The following RIPPLY3 variants were observed in gnomAD, a reference collection of about 807,000 sequenced individuals.
RIPPLY3 encodes protein ripply3.
RIPPLY3 carries 8 observed loss-of-function variants against 11.9 expected under a neutral mutation model. The ratio of observed to expected loss-of-function variants is 0.67; its 90% confidence interval spans 0.40 to 1.21. The LOEUF is 1.21. RIPPLY3 is among the 50% of genes most tolerant of loss of function. The pLI is 0.01. For missense variants in RIPPLY3, 271 were observed against 246.0 expected (o/e 1.10, Z -0.68); for synonymous variants, 102 against 99.0 (o/e 1.03, Z -0.18).
chr21:37,006,604 G>C, upstream of RIPPLY3: 1 of 378,862 alleles, frequency 2.6e-6, no homozygotes, highest in East Asian at 4.0e-5. This position sits in a 1 kb window ranked among gnomAD's most constrained non-coding sequence, Gnocchi z 5.2. Flanking sequence ...GGCCCCCTCC[G>C]CACCCCTCAC....
intron 1 of RIPPLY3, among the ~76,000 whole-genome samples, chr21:37,007,391 A>AGATTCCC (rs1411230011): frequency 6.3e-5 from 9 of 143,364 alleles, no homozygotes; most frequent in African/African-American, 2.5e-4. Flanking sequence ...GGCAGGAGAA[A>AGATTCCC]GATTCCCTCT....
intron 2 of RIPPLY3, among the ~76,000 whole-genome samples, chr21:37,010,504 TA>T (rs1158667376): frequency 1.3e-5 from 2 of 151,676 alleles, no homozygotes; most frequent in Non-Finnish European, 2.9e-5. Context: ...AAAACAAAAA[TA>T]AAACCCAAAA....
At chr21:37,008,753 T>C (rs1344017970) in intron 2 of RIPPLY3, among the ~76,000 whole-genome samples, 2 of 69,680 alleles carry the variant, frequency 2.9e-5, no homozygotes, top group Non-Finnish European at 5.2e-5. Flanking sequence ...GCAAGACTCA[T>C]CTCAAAAAAA....
Position 37,017,928 on chromosome 21 carries a change from A to C in RIPPLY3, c.294A>C (p.Gln98His), listed in dbSNP as rs765078944. 1.9e-6 allele frequency: 3 copies of C among 1,614,158 alleles called. No individual in the cohort carries two copies. Among genetic ancestry groups the C allele is most frequent in the Non-Finnish European group, 2.5e-6 (3 of 1,180,036 alleles). Reference sequence around the variant, plus strand: ...AATACCTGCGGAGTTCCGGGGAGCAAGTACTGGCCAGTTTCCCAGTGCAAG... The same window carrying C: ...AATACCTGCGGAGTTCCGGGGAGCACGTACTGGCCAGTTTCCCAGTGCAAG... ...RQEYLRSSGE[Q>H]VLASFPVQAT... The change falls in exon 4 of 4, where the codon CAA (glutamine) becomes CAC (histidine). Residue 98 changes from glutamine (Q) to histidine (H), a missense_variant. Physicochemically the swap from Gln to His is conservative, Grantham distance 24 (BLOSUM62 0). Coordinates refer to ENST00000329553, the MANE Select transcript of RIPPLY3 (RefSeq NM_018962.3).
chr21:37,017,885 C>T lies in RIPPLY3; in HGVS notation c.251C>T (p.Pro84Leu), dbSNP rs751169544. 1 of 1,611,088 alleles carries T rather than the reference C, an allele frequency of 6.2e-7. No individual in the cohort carries two copies. Among genetic ancestry groups the T allele is most frequent in the African/African-American group, 1.3e-5 (1 of 74,776 alleles). The change falls in exon 4 of 4, where the codon CCC becomes CTC. Residue 84 changes from proline (P) to leucine (L), a missense_variant. Transcript: ENST00000329553. ...TTCTTAAATATTAGAGTCTATTTAC[C>T]CATGTCAAAGCGTCAAGAATACCTG... ...GFQHPVRVYLPMSKRQEYLRS... is the reference protein window; with the variant it reads ...GFQHPVRVYLLMSKRQEYLRS...
At chr21:37,008,643 A>G (rs1352023841) in intron 2 of RIPPLY3, among the ~76,000 whole-genome samples, 2 of 151,424 alleles carry the variant, frequency 1.3e-5, no homozygotes, top group Non-Finnish European at 2.9e-5. Flanking sequence ...CTGTAATCCC[A>G]GCTACTTAGG....
At chr21:37,016,954 G>A (rs1392310376) in intron 3 of RIPPLY3, among the ~76,000 whole-genome samples, 3 of 152,028 alleles carry the variant, frequency 2.0e-5, no homozygotes, top group African/African-American at 4.8e-5. Flanking sequence ...TCAGGAGTTC[G>A]AGACCAGCCT....
upstream of RIPPLY3, chr21:37,006,624 C>A: frequency 2.4e-6 from 1 of 408,818 alleles, no homozygotes; most frequent in Non-Finnish European, 4.1e-6. The surrounding 1 kb of genome is among the most constrained non-coding windows in gnomAD (Gnocchi z 5.2). Context: ...CGGAGCTCCT[C>A]GGGTCCTGCC....
chr21:37,006,832 C>G lies in RIPPLY3; in HGVS notation c.60C>G (p.Pro20=), dbSNP rs527816099. 0.022 allele frequency: 26,643 copies of G among 1,227,032 alleles called. 330 individuals carry two copies. The highest frequency in any genetic ancestry group is 0.024 in the Non-Finnish European group (23,708 of 984,950). 76.0% of individuals were successfully genotyped at this position (1,227,032 alleles called of 1,614,324 possible). A position where few individuals can be genotyped will look rare whatever the true frequency, so the allele number is the denominator to read the frequency against. ...RKARGRGCHC[P]GDAPWRPPPP... ...CGCGGGGGCGCGGCTGTCACTGCCC[C>G]GGGGACGCTCCCTGGAGGCCTCCGC... The change falls in exon 1 of 4, where the codon CCC becomes CCG. Residue 20 remains proline, a synonymous_variant. Transcript: ENST00000329553. The surrounding 1 kb of genome is among the most constrained non-coding windows in gnomAD (Gnocchi z 5.2).
intron 3 of RIPPLY3, among the ~76,000 whole-genome samples, 195 bp from the exon 4 acceptor site, chr21:37,017,679 G>A (rs73904218): frequency 0.06 from 9,070 of 152,164 alleles, 451 homozygotes; most frequent in African/African-American, 0.13. Context: ...CTGAACCGGG[G>A]TAGGTTTATC....
chr21:37,011,219 G>A (rs996623100), intron 2 of RIPPLY3, among the ~76,000 whole-genome samples: 1 of 152,202 alleles, frequency 6.6e-6, no homozygotes, highest in African/African-American at 2.4e-5. Flanking sequence ...GGCCAGGCTG[G>A]TCTCGAACTC....
Position 37,013,591 on chromosome 21 carries a change from G to A in RIPPLY3, c.212G>A (p.Gly71Glu). Residue 71 changes from glycine (G) to glutamate (E), a missense_variant, in exon 3 of 4, where the codon GGA (glycine) becomes GAA (glutamate). Transcript: ENST00000329553. Reference sequence around the variant, plus strand: ...GACCAACACACTTTTGGATCAAAGGGAGCCTTTGGGTTTCAGCATCCTGTA... The same window carrying A: ...GACCAACACACTTTTGGATCAAAGGAAGCCTTTGGGTTTCAGCATCCTGTA... ...RADQHTFGSK[G>E]AFGFQHPVRV... 1 of 1,613,760 alleles carries A rather than the reference G, an allele frequency of 6.2e-7. No homozygotes were observed. The highest frequency in any genetic ancestry group is 8.5e-7 in the Non-Finnish European group (1 of 1,179,772).
At chr21:37,011,929 CAAAAAAAA>C (rs59382996) in intron 2 of RIPPLY3, among the ~76,000 whole-genome samples, 3 of 47,104 alleles carry the variant, frequency 6.4e-5, no homozygotes, top group African/African-American at 2.3e-4. Flanking sequence ...GACTCCGTCT[CAAAAAAAA>C]AAAAAAAAAA....
intron 2 of RIPPLY3, among the ~76,000 whole-genome samples, chr21:37,009,291 G>A (rs1277856516): frequency 2.6e-5 from 4 of 151,284 alleles, no homozygotes; most frequent in Non-Finnish European, 4.4e-5. Context: ...GAAAGACCAT[G>A]TATTGAATTT....
At chr21:37,012,704 A>T (rs2069537394) in intron 2 of RIPPLY3, among the ~76,000 whole-genome samples, 1 of 152,082 alleles carries the variant, frequency 6.6e-6, no homozygotes, top group South Asian at 2.1e-4. Flanking sequence ...TCAAAAATCC[A>T]TCTCCAGTTC....
At chr21:37,008,279 C>T in intron 2 of RIPPLY3, 56 bp downstream of exon 2, 4 of 1,582,378 alleles carry the variant, frequency 2.5e-6, no homozygotes, top group Non-Finnish European at 3.5e-6. Flanking sequence ...GTGGCATCGT[C>T]TTTTAAAATA....
chr21:37,011,813 C>T (rs1489065693), intron 2 of RIPPLY3, among the ~76,000 whole-genome samples: 22 of 150,256 alleles, frequency 1.5e-4, no homozygotes, highest in Non-Finnish European at 7.4e-5. Flanking sequence ...ATTAGCCGGG[C>T]GTGGTGGCAT....
rs749359607 is a variant in RIPPLY3, at chr21:37,017,953, GC to G, written c.321del (p.Thr108ArgfsTer114). 8 of 1,614,066 alleles carry G rather than the reference GC, an allele frequency of 5.0e-6. No individual in the cohort carries two copies. In the South Asian group the frequency reaches 8.8e-5, roughly 18 times the overall value. ...EQVLASFPVQ[A>X]TIDFYDDEST... is the part of the protein sequence containing the mutation. Reference sequence around the variant, plus strand: ...AGTACTGGCCAGTTTCCCAGTGCAAGCCACGATTGACTTCTACGACGATGAG... The same window carrying G: ...AGTACTGGCCAGTTTCCCAGTGCAAGCACGATTGACTTCTACGACGATGAG... On this transcript the variant is annotated frameshift_variant, in exon 4 of 4. Transcript: ENST00000329553. LOFTEE classifies it low-confidence loss of function (END_TRUNC).
intron 2 of RIPPLY3, among the ~76,000 whole-genome samples, chr21:37,008,530 G>A (rs1438059434): frequency 6.6e-6 from 1 of 152,086 alleles, no homozygotes; most frequent in Non-Finnish European, 1.5e-5. Context: ...GGCCGAGACG[G>A]GTGGATCACC....
Sources: gnomAD v4.1 joint callset for allele counts (sites outside exome capture counted in the v4.1 genomes callset) on GRCh38, gnomAD v4.1.1 for gene constraint, Gnocchi (gnomAD v3.1) non-coding constraint, MANE v1.5 for transcripts, NCBI Gene and HGNC (gene_info 2026-07-23, HGNC 2026-07-21) for gene names.